The following NRXN3 variants were observed in gnomAD, a reference collection of about 807,000 sequenced individuals.
NRXN3 encodes neurexin III.
Under a neutral mutation model 137.6 loss-of-function variants are expected in NRXN3, and 32 were observed. The observed-to-expected ratio is 0.23, with a 90% CI of 0.18 to 0.31. The LOEUF is 0.31. Among genes scored for constraint, NRXN3 ranks in the 10% least tolerant of loss-of-function variants. The pLI, the probability that NRXN3 is intolerant of heterozygous loss-of-function variation, is 1.00. For missense variants in NRXN3, 1,574 were observed against 2,062.5 expected (o/e 0.76, Z 4.59); for synonymous variants, 798 against 784.5 (o/e 1.02, Z -0.29).
chr14:78,250,676 A>T (rs2068471543), intron 2 of NRXN3, among the ~76,000 whole-genome samples: 1 of 152,158 alleles, frequency 6.6e-6, no homozygotes, highest in African/African-American at 2.4e-5. Flanking sequence ...AATAGATGAG[A>T]CCCAGACCCT....
intron 16 of NRXN3, among the ~76,000 whole-genome samples, chr14:79,603,899 A>C (rs76085327): frequency 0.13 from 20,085 of 151,540 alleles, 1,422 homozygotes; most frequent in Middle Eastern, 0.18. Flanking sequence ...CAATCTTCTT[A>C]TTATTTGAGA....
At chr14:78,587,488 T>C (rs1168288587) in intron 4 of NRXN3, among the ~76,000 whole-genome samples, 1 of 152,208 alleles carries the variant, frequency 6.6e-6, no homozygotes, top group African/African-American at 2.4e-5. Flanking sequence ...CACAGGATTA[T>C]TGTAAATATT....
chr14:79,793,567 T>C (rs899920694), intron 19 of NRXN3, among the ~76,000 whole-genome samples: 2 of 152,234 alleles, frequency 1.3e-5, no homozygotes, highest in African/African-American at 2.4e-5. Flanking sequence ...AAATCATTTT[T>C]CAGAACTGTT....
At chr14:79,287,145 T>C (rs2082403993) in intron 15 of NRXN3, among the ~76,000 whole-genome samples, 1 of 152,164 alleles carries the variant, frequency 6.6e-6, no homozygotes. Context: ...CATACACTTT[T>C]TTGCCTCCTA....
intron 15 of NRXN3, among the ~76,000 whole-genome samples, chr14:79,141,059 T>A (rs1440129741): frequency 6.6e-6 from 1 of 152,210 alleles, no homozygotes. Flanking sequence ...CAAACTGATA[T>A]AAGGTGTAGC....
chr14:78,607,481 C>T (rs982350425), intron 4 of NRXN3, among the ~76,000 whole-genome samples: 5 of 152,154 alleles, frequency 3.3e-5, no homozygotes, highest in African/African-American at 7.2e-5. Context: ...TCCTCTCCTT[C>T]GTCATTGGCC....
intron 4 of NRXN3, among the ~76,000 whole-genome samples, chr14:78,516,916 A>C (rs904635985): frequency 6.6e-6 from 1 of 152,194 alleles, no homozygotes; most frequent in African/African-American, 2.4e-5. Flanking sequence ...ACTGGATTAC[A>C]TTGAGTAAGC....
At chr14:79,718,940 C>T (rs1468585285) in intron 19 of NRXN3, among the ~76,000 whole-genome samples, 2 of 152,046 alleles carry the variant, frequency 1.3e-5, no homozygotes, top group Admixed American at 1.3e-4. Flanking sequence ...TATCTCTCCC[C>T]CATTCCACCT....
chr14:78,824,919 A>G (rs537181000), intron 10 of NRXN3, among the ~76,000 whole-genome samples: 6 of 152,174 alleles, frequency 3.9e-5, no homozygotes, highest in Non-Finnish European at 8.8e-5. Flanking sequence ...AATATTTCAT[A>G]TACTCAATAA....
At chr14:79,354,656 A>G (rs1046988835) in intron 15 of NRXN3, among the ~76,000 whole-genome samples, 3 of 152,190 alleles carry the variant, frequency 2.0e-5, no homozygotes, top group African/African-American at 7.2e-5. Context: ...TATCATTCCT[A>G]TTACCATTTA....
chr14:78,391,984 G>A (rs1432384193), intron 4 of NRXN3, among the ~76,000 whole-genome samples: 4 of 151,832 alleles, frequency 2.6e-5, no homozygotes, highest in African/African-American at 9.7e-5. Context: ...GTTGTGACAA[G>A]TCCTGTGCTA....
intron 15 of NRXN3, among the ~76,000 whole-genome samples, chr14:79,429,855 T>A (rs2095716850): frequency 6.6e-6 from 1 of 152,168 alleles, no homozygotes; most frequent in African/African-American, 2.4e-5. Flanking sequence ...TGAGAAAAAT[T>A]GTCTTGTATA....
intron 15 of NRXN3, among the ~76,000 whole-genome samples, chr14:79,137,693 T>C (rs1414179649): frequency 5.3e-5 from 8 of 152,230 alleles, no homozygotes; most frequent in African/African-American, 1.4e-4. Flanking sequence ...TGGATAAAGA[T>C]AGTAAGGCTT....
chr14:79,723,380 A>G (rs893442594), intron 19 of NRXN3, among the ~76,000 whole-genome samples: 1 of 152,106 alleles, frequency 6.6e-6, no homozygotes, highest in Non-Finnish European at 1.5e-5. Flanking sequence ...TGGCCCAGCT[A>G]TTTAACCTTA....
intron 4 of NRXN3, among the ~76,000 whole-genome samples, chr14:78,570,777 G>A (rs776610613): frequency 6.6e-6 from 1 of 152,164 alleles, no homozygotes; most frequent in Non-Finnish European, 1.5e-5. Flanking sequence ...TGATTGCATT[G>A]GTGACTTTTT....
At chr14:79,624,080 T>C (rs1567697047) in intron 16 of NRXN3, among the ~76,000 whole-genome samples, 1 of 152,094 alleles carries the variant, frequency 6.6e-6, no homozygotes, top group Non-Finnish European at 1.5e-5. Context: ...GTTGACACCA[T>C]AACCCACAAG....
intron 15 of NRXN3, among the ~76,000 whole-genome samples, chr14:79,244,954 T>TAA: frequency 6.6e-6 from 1 of 152,202 alleles, no homozygotes; most frequent in South Asian, 2.1e-4. Context: ...AACTGTCGAG[T>TAA]CTAAAAGCCA....
At chr14:78,782,590 G>C (rs912451939) in intron 8 of NRXN3, among the ~76,000 whole-genome samples, 3 of 152,196 alleles carry the variant, frequency 2.0e-5, no homozygotes, top group African/African-American at 7.2e-5. Context: ...ATGTGACAGG[G>C]ACTGGGTCTA....
chr14:79,370,895 A>G (rs1279169546), intron 15 of NRXN3, among the ~76,000 whole-genome samples: 1 of 152,226 alleles, frequency 6.6e-6, no homozygotes, highest in Non-Finnish European at 1.5e-5. Flanking sequence ...CTTTACAAGC[A>G]TTATCTTAAA....
Sources: gnomAD v4.1 joint callset for allele counts (sites outside exome capture counted in the v4.1 genomes callset) on GRCh38, gnomAD v4.1.1 for gene constraint, MANE v1.5 for transcripts, NCBI Gene and HGNC (gene_info 2026-07-23, HGNC 2026-07-21) for gene names.